Variants in PCTP observed in about 807,000 individuals in gnomAD.
PCTP encodes START domain-containing protein 2.
A neutral mutation model predicts 31.0 loss-of-function variants in PCTP; 27 were observed. That is an observed-to-expected ratio of 0.87 (90% CI 0.64 to 1.20). PCTP has a LOEUF of 1.20. Among genes scored for constraint, PCTP ranks in the 50% most tolerant of loss-of-function variants. PCTP has a pLI of 0.00. For synonymous variants in PCTP, 108 were observed against 101.2 expected (o/e 1.07, Z -0.40); for missense variants, 287 against 268.2 (o/e 1.07, Z -0.49).
intron 1 of PCTP, among the ~76,000 whole-genome samples, chr17:55,766,934 A>G (rs1469439070): frequency 6.6e-6 from 1 of 152,028 alleles, no homozygotes; most frequent in Non-Finnish European, 1.5e-5. Flanking sequence ...TTTTTTCCTG[A>G]CTTTTTAATG....
chr17:55,832,627 T>C (rs992417688), intron 5 of PCTP, among the ~76,000 whole-genome samples: 6 of 152,244 alleles, frequency 3.9e-5, no homozygotes, highest in Non-Finnish European at 7.3e-5. Context: ...CAATGTATTA[T>C]GCCCCTAGGC....
At chr17:55,797,797 A>G (rs1025268217) in intron 3 of PCTP, among the ~76,000 whole-genome samples, 14 of 152,002 alleles carry the variant, frequency 9.2e-5, no homozygotes, top group Non-Finnish European at 1.2e-4. Context: ...CAGAAACTCA[A>G]ATTATTGCTA....
In PCTP at chr17:55,770,992, A is replaced by G. The variant is rs918513904; in HGVS notation, c.260-114A>G. On this transcript the variant is annotated intron_variant, in intron 2 of 5. Transcript: ENST00000268896. ...GAGCAATTGACTCACCTTGGCCTCA[A>G]AAAGTGCTGGGATTACAGGCATGAG... The G allele has an allele frequency of 6.6e-6, 5 of 762,526 alleles. No individual in the cohort carries two copies. The African/African-American group carries it at 8.7e-5, about 13-fold the overall frequency. The allele number at this position is 762,526 out of a possible 1,614,324, so 47.2% of individuals were successfully genotyped here.
rs143693150 is a variant in PCTP, at chr17:55,802,523, T to G, written c.317+14869T>G. 1.4e-3 allele frequency among the ~76,000 whole-genome samples: 217 copies of G among 152,318 alleles called. 3 individuals carry two copies. Among genetic ancestry groups the G allele is most frequent in the Middle Eastern group, 0.01 (3 of 294 alleles). ...AGCACATCAAAAGGCTTATCCACCA[T>G]GGTCAAGTCGGCTTTATCCCTGGGA... On this transcript the variant is annotated intron_variant, in intron 3 of 3. Transcript: ENST00000572536.
At chr17:55,774,934 C>T in intron 5 of PCTP, 75 bp downstream of exon 5, 5 of 1,448,480 alleles carry the variant, frequency 3.5e-6, no homozygotes, top group Non-Finnish European at 4.8e-6. Context: ...GCCCGCGGGG[C>T]TGTCAGGCTG....
At chr17:55,841,361 G>T (rs2145094243) in intron 5 of PCTP, among the ~76,000 whole-genome samples, 1 of 152,306 alleles carries the variant, frequency 6.6e-6, no homozygotes, top group Non-Finnish European at 1.5e-5. Context: ...GAGAGGTTGT[G>T]GGTCGCCATC....
intron 3 of PCTP, among the ~76,000 whole-genome samples, chr17:55,822,190 T>C (rs1913135426): frequency 6.6e-6 from 1 of 152,166 alleles, no homozygotes; most frequent in Non-Finnish European, 1.5e-5. Context: ...GTCAAATAGT[T>C]CTCACCAAGG....
At chr17:55,811,491 C>T (rs1265359276) in intron 3 of PCTP, among the ~76,000 whole-genome samples, 1 of 152,212 alleles carries the variant, frequency 6.6e-6, no homozygotes, top group Non-Finnish European at 1.5e-5. Context: ...AGAGATCTCT[C>T]ACCCAGAACA....
chr17:55,845,887 GGTGTGT>G (rs34179575), downstream of PCTP, among the ~76,000 whole-genome samples: 1,837 of 143,032 alleles, frequency 0.013, 29 homozygotes, highest in African/African-American at 0.044. Flanking sequence ...AGAGGGTTGG[GGTGTGT>G]GTGTGTGTGT....
the PCTP span, among the ~76,000 whole-genome samples, chr17:55,851,833 A>G: frequency 1.3e-5 from 2 of 152,210 alleles, no homozygotes; most frequent in Non-Finnish European, 1.5e-5. Context: ...ATTGGCTTCC[A>G]GTTTTTTAAA....
At chr17:55,805,419 AC>A (rs1912543330) in intron 3 of PCTP, among the ~76,000 whole-genome samples, 1 of 151,944 alleles carries the variant, frequency 6.6e-6, no homozygotes, top group Non-Finnish European at 1.5e-5. Flanking sequence ...GTCCATGTGT[AC>A]CCATTGTTTA....
chr17:55,792,599 T>C lies in PCTP; in HGVS notation c.317+4945T>C, dbSNP rs201927386. ...GGGACTAGAAGCAGTCAGCAGGTAC[T>C]TCTTAGAGATAATTCGTGGATACCT... On this transcript the variant is annotated intron_variant, in intron 3 of 3. Transcript: ENST00000572536. Among the ~76,000 whole-genome samples, 7 of 152,286 alleles carry C rather than the reference T, an allele frequency of 4.6e-5. 1 individual carries two copies. In the East Asian group the frequency reaches 1.4e-3, roughly 29 times the overall value.
chr17:55,753,114 C>T lies in PCTP; in HGVS notation c.141+1870C>T, dbSNP rs184144100. 2.4e-4 allele frequency among the ~76,000 whole-genome samples: 37 copies of T among 152,322 alleles called. No individual in the cohort carries two copies. The East Asian group carries it at 7.1e-3, about 29-fold the overall frequency. ...CTTACCAGCCACATCAAGGCTTTGG[C>T]CAAGTTTTGTTGATTCAACTGCTCA... On this transcript the variant is annotated intron_variant, in intron 1 of 5. Coordinates refer to ENST00000268896, the MANE Select transcript of PCTP (RefSeq NM_021213.4).
downstream of PCTP, among the ~76,000 whole-genome samples, chr17:55,844,239 T>C (rs1251125379): frequency 6.6e-6 from 1 of 152,202 alleles, no homozygotes; most frequent in African/African-American, 2.4e-5. Context: ...TGCAAGGCCA[T>C]TTTGTGTGCA....
At chr17:55,821,448 G>T (rs536240560) in intron 3 of PCTP, among the ~76,000 whole-genome samples, 4 of 152,098 alleles carry the variant, frequency 2.6e-5, no homozygotes, top group Non-Finnish European at 5.9e-5. Context: ...TGTAATGATG[G>T]TTGTACAACT....
At chr17:55,779,938 C>A (rs1422654548), downstream of PCTP, among the ~76,000 whole-genome samples, 3 of 152,154 alleles carry the variant, frequency 2.0e-5, no homozygotes, top group African/African-American at 7.2e-5. Flanking sequence ...CGCAGCATAC[C>A]CTCCCACACA....
rs1389414516 is a variant in PCTP, at chr17:55,798,805, T to G, written c.317+11151T>G. Among the ~76,000 whole-genome samples the G allele has an allele frequency of 2.0e-5, 3 of 151,866 alleles. No individual in the cohort carries two copies. In the East Asian group the frequency reaches 5.8e-4, roughly 29 times the overall value. On this transcript the variant is annotated intron_variant, in intron 3 of 3. Coordinates refer to the PCTP transcript ENST00000572536. The stretch of plus-strand genomic sequence containing the variant: ...ATGCAGAAAATAATGAAGAACAACA[T>G]AAAGATTACATTTGTGCTTAAATGT...
intron 3 of PCTP, among the ~76,000 whole-genome samples, chr17:55,815,553 C>T (rs955483898): frequency 6.6e-6 from 1 of 152,110 alleles, no homozygotes; most frequent in Non-Finnish European, 1.5e-5. Flanking sequence ...TCCTAGATAC[C>T]TTTGTCCCTG....
chr17:55,838,334 G>A (rs1905845309), intron 5 of PCTP, among the ~76,000 whole-genome samples: 1 of 150,520 alleles, frequency 6.6e-6, no homozygotes, highest in Non-Finnish European at 1.5e-5. Context: ...CTGCAATAGA[G>A]GTTGTCCCTA....
Sources: allele counts gnomAD v4.1 joint callset (sites outside exome capture counted in the v4.1 genomes callset), GRCh38; gene constraint gnomAD v4.1.1; transcripts MANE v1.5; gene names NCBI Gene and HGNC (gene_info 2026-07-23, HGNC 2026-07-21).